Variants in PLCH1 observed in about 807,000 individuals in gnomAD.
PLCH1 encodes the protein phospholipase C eta 1, also known as 1-phosphatidylinositol 4,5-bisphosphate phosphodiesterase eta-1.
Under a neutral mutation model 126.7 loss-of-function variants are expected in PLCH1, and 60 were observed. The observed-to-expected ratio is 0.47, with a 90% confidence interval of 0.38 to 0.59. The LOEUF (loss-of-function observed/expected upper bound fraction) is 0.59, where lower values mean the gene tolerates loss of function less well. Ranked by LOEUF, PLCH1 falls within the 20% of genes least tolerant of loss-of-function variation. The pLI is 0.00. For synonymous variants in PLCH1, 719 were observed against 734.9 expected (o/e 0.98, Z 0.35); for missense variants, 1,723 against 2,040.0 (o/e 0.84, Z 2.99).
At chr3:155,704,304 G>A (rs939153876) in intron 1 of PLCH1, 40 bp from the exon 2 acceptor site, 21 of 518,376 alleles carry the variant, frequency 4.1e-5, no homozygotes, top group African/African-American at 1.8e-4. Flanking sequence ...TGAAGAAAAC[G>A]GCAGCCACAC....
At chr3:155,647,738 T>C (rs1488885726) in intron 2 of PLCH1, among the ~76,000 whole-genome samples, 1 of 152,150 alleles carries the variant, frequency 6.6e-6, no homozygotes, top group Non-Finnish European at 1.5e-5. Flanking sequence ...TTTAAACTTC[T>C]GAAACAAAAA....
intron 10 of PLCH1, among the ~76,000 whole-genome samples, chr3:155,537,213 A>C (rs1453780143): frequency 2.8e-3 from 21 of 7,472 alleles, no homozygotes; most frequent in Non-Finnish European, 6.9e-3. Flanking sequence ...AAAAAAAAAA[A>C]AAAAAAAAAA....
At chr3:155,585,000 T>C (rs1018060600) in intron 5 of PLCH1, among the ~76,000 whole-genome samples, 7 of 152,140 alleles carry the variant, frequency 4.6e-5, no homozygotes, top group African/African-American at 1.7e-4. Context: ...AACCTTCCCA[T>C]ATGTTTAAAG....
intron 2 of PLCH1, among the ~76,000 whole-genome samples, chr3:155,677,997 C>T (rs1744222999): frequency 6.6e-6 from 1 of 152,124 alleles, no homozygotes. Context: ...GCCCAAAAAG[C>T]AAGAGGCATC....
intron 2 of PLCH1, among the ~76,000 whole-genome samples, chr3:155,693,722 G>A (rs758344179): frequency 1.4e-4 from 21 of 152,112 alleles, no homozygotes; most frequent in Non-Finnish European, 2.1e-4. Flanking sequence ...CTGGGGTCAT[G>A]AGTTCGAGAC....
intron 13 of PLCH1, 117 bp downstream of exon 13, chr3:155,504,438 C>T (rs762804603): frequency 9.1e-5 from 54 of 590,228 alleles, no homozygotes; most frequent in Non-Finnish European, 1.5e-4. Context: ...TTTTCCTTTG[C>T]TGACGTGCTG....
intron 2 of PLCH1, among the ~76,000 whole-genome samples, chr3:155,613,000 C>G (rs1461991324): frequency 6.8e-6 from 1 of 148,092 alleles, no homozygotes; most frequent in Non-Finnish European, 1.5e-5. Flanking sequence ...TACAAAAGAT[C>G]ATTCAAGGTT....
At chr3:155,604,884 G>T (rs1321627674) in intron 2 of PLCH1, among the ~76,000 whole-genome samples, 1 of 152,130 alleles carries the variant, frequency 6.6e-6, no homozygotes, top group Admixed American at 6.5e-5. Context: ...CCTCTGCAAG[G>T]TTTTAATTAA....
At chr3:155,579,495 G>T (rs1348485554) in intron 6 of PLCH1, among the ~76,000 whole-genome samples, 3 of 152,278 alleles carry the variant, frequency 2.0e-5, no homozygotes, top group Admixed American at 2.0e-4. Flanking sequence ...GGTAAGCAAG[G>T]TTGTGTATCC....
intron 1 of PLCH1, among the ~76,000 whole-genome samples, chr3:155,738,773 C>G (rs1243783266): frequency 6.8e-6 from 1 of 147,434 alleles, no homozygotes; most frequent in Non-Finnish European, 1.5e-5. Flanking sequence ...GACAACAGAG[C>G]GAGACTCCAC....
chr3:155,468,915 A>C (rs1713038355), intron 21 of PLCH1, among the ~76,000 whole-genome samples: 3 of 152,194 alleles, frequency 2.0e-5, no homozygotes, highest in Admixed American at 6.5e-5. Context: ...CTACAGACAA[A>C]ATAGATCTAA....
In PLCH1 at chr3:155,596,223, T is replaced by A; in HGVS notation, c.226+9A>T. The stretch of plus-strand genomic sequence containing the variant: ...CCAGCCAAGCAAAGAATTCAAAGAT[T>A]TGTTTTACTTTTTGCCTTCTCACTC... On this transcript the variant is annotated intron_variant, in intron 3 of 22. Coordinates refer to ENST00000460012, the MANE Select transcript of PLCH1 (RefSeq NM_014996.4). 3 of 1,609,692 alleles carry A rather than the reference T, an allele frequency of 1.9e-6. No homozygotes were observed. Among genetic ancestry groups the A allele is most frequent in the Non-Finnish European group, 2.5e-6 (3 of 1,176,568 alleles).
Position 155,586,093 on chromosome 3 carries a change from G to A in PLCH1, c.572C>T (p.Pro191Leu), listed in dbSNP as rs760287642. The A allele has an allele frequency of 1.9e-6, 3 of 1,613,670 alleles. No homozygotes were observed. The South Asian group carries it at 3.3e-5, about 18-fold the overall frequency. Residue 191 changes from proline (P) to leucine (L), a missense_variant, in exon 5 of 23, where the codon CCC becomes CTC. Around this residue, in one of 2 missense-constraint regions of PLCH1, gnomAD observed 776 missense variants for 1,062.9 expected, o/e 0.73. Transcript: ENST00000460012. The stretch of plus-strand genomic sequence containing the variant: ...AAACATTTGTCTGACTTTTCTTCGG[G>A]GCAGATTAACATTCAGTTTATGCAT... The part of the protein sequence containing the change: ...QLMHKLNVNL[P>L]RRKVRQMFQE...
chr3:155,727,180 G>T (rs984995941), intron 1 of PLCH1, among the ~76,000 whole-genome samples: 1 of 151,784 alleles, frequency 6.6e-6, no homozygotes, highest in Non-Finnish European at 1.5e-5. Flanking sequence ...AAATGAGCTT[G>T]GTTAGTCCTC....
intron 2 of PLCH1, among the ~76,000 whole-genome samples, chr3:155,622,219 T>G (rs1393137084): frequency 6.6e-6 from 1 of 152,174 alleles, no homozygotes; most frequent in Admixed American, 6.5e-5. Context: ...GCTGAGAGAT[T>G]TTGTCACCAC....
At chr3:155,634,439 G>A (rs1034797783) in intron 2 of PLCH1, among the ~76,000 whole-genome samples, 1 of 152,162 alleles carries the variant, frequency 6.6e-6, no homozygotes, top group Non-Finnish European at 1.5e-5. Context: ...TTTTCCCAGA[G>A]GCCTCACTGT....
intron 6 of PLCH1, among the ~76,000 whole-genome samples, chr3:155,576,861 A>C (rs1425217112): frequency 6.6e-6 from 1 of 152,228 alleles, no homozygotes; most frequent in Non-Finnish European, 1.5e-5. Flanking sequence ...AACAATTTTT[A>C]AATACAGAGC....
intron 2 of PLCH1, among the ~76,000 whole-genome samples, chr3:155,673,048 C>CTTTTTTT (rs66672315): frequency 1.5e-5 from 1 of 68,224 alleles, no homozygotes; most frequent in South Asian, 8.1e-4. Flanking sequence ...CTTCTGTTGC[C>CTTTTTTT]TTTTTTTTTT....
At chr3:155,654,141 T>C (rs1672183028) in intron 2 of PLCH1, among the ~76,000 whole-genome samples, 2 of 151,430 alleles carry the variant, frequency 1.3e-5, no homozygotes, top group African/African-American at 4.9e-5. Context: ...TTCACCCAGC[T>C]GAACATACCC....
Sources: gnomAD v4.1 joint callset for allele counts (sites outside exome capture counted in the v4.1 genomes callset) on GRCh38, gnomAD v4.1.1 for gene constraint, gnomAD v4.1.1 regional missense constraint, MANE v1.5 for transcripts, NCBI Gene and HGNC (gene_info 2026-07-23, HGNC 2026-07-21) for gene names.